The following MCC variants were observed in gnomAD, a reference collection of about 807,000 sequenced individuals.
MCC encodes the protein colorectal mutant cancer protein.
A neutral mutation model predicts 116.2 loss-of-function variants in MCC; 90 were observed. The observed-to-expected ratio is 0.77, with a 90% CI of 0.65 to 0.92. The LOEUF (loss-of-function observed/expected upper bound fraction) is 0.92. MCC is among the 40% of genes least tolerant of loss of function. MCC has a pLI of 0.00. For missense variants in MCC, 1,516 were observed against 1,312.2 expected, an observed-to-expected ratio of 1.16 and a Z score of -2.40; for synonymous variants, 578 against 510.5, an observed-to-expected ratio of 1.13 and a Z score of -1.78.
chr5:113,292,855 G>T (rs193169993), intron 3 of MCC, among the ~76,000 whole-genome samples: 80 of 152,310 alleles, frequency 5.3e-4, no homozygotes, highest in African/African-American at 1.8e-3. Context: ...ATCACCAAAG[G>T]CTTCTCCTGA....
At chr5:113,163,386 C>T (rs972395001) in intron 3 of MCC, among the ~76,000 whole-genome samples, 1 of 152,132 alleles carries the variant, frequency 6.6e-6, no homozygotes, top group South Asian at 2.1e-4. Context: ...ATATAATTAA[C>T]TTAGCAATCA....
intron 1 of MCC, among the ~76,000 whole-genome samples, 193 bp downstream of exon 1, chr5:113,488,052 C>T (rs147256712): frequency 6.6e-6 from 1 of 152,116 alleles, no homozygotes; most frequent in African/African-American, 2.4e-5. Flanking sequence ...CTGGCACCCC[C>T]GCAAGGCGAA....
intron 3 of MCC, among the ~76,000 whole-genome samples, chr5:113,305,577 C>T (rs1006894152): frequency 6.6e-6 from 1 of 152,136 alleles, no homozygotes; most frequent in African/African-American, 2.4e-5. Context: ...GTAGTCCTTT[C>T]GTCCCCACTT....
chr5:113,032,186 G>A (rs531340094), intron 17 of MCC, among the ~76,000 whole-genome samples: 60 of 152,270 alleles, frequency 3.9e-4, no homozygotes, highest in African/African-American at 1.4e-3. Context: ...CGGGGCTGGC[G>A]GATCACCTGA....
At chr5:113,173,392 T>C (rs1284503001) in intron 3 of MCC, among the ~76,000 whole-genome samples, 1 of 152,206 alleles carries the variant, frequency 6.6e-6, no homozygotes, top group African/African-American at 2.4e-5. Flanking sequence ...TAGCTACATC[T>C]TTATGTTACT....
intron 2 of MCC, among the ~76,000 whole-genome samples, chr5:113,366,922 T>C (rs971111937): frequency 6.6e-6 from 1 of 152,080 alleles, no homozygotes; most frequent in African/African-American, 2.4e-5. Flanking sequence ...CCACCCCAGC[T>C]TCCCAAGTAG....
intron 3 of MCC, among the ~76,000 whole-genome samples, chr5:113,308,721 G>C (rs1767059494): frequency 6.6e-6 from 1 of 152,004 alleles, no homozygotes; most frequent in African/African-American, 2.4e-5. Context: ...TGAAGTGGGA[G>C]GATTGCTTGA....
intron 3 of MCC, among the ~76,000 whole-genome samples, chr5:113,228,277 G>C (rs1763818988): frequency 2.6e-5 from 4 of 152,160 alleles, no homozygotes. Context: ...TTTGGGTCCT[G>C]AGGGACCCAT....
At chr5:113,053,663 C>A in intron 15 of MCC, 62 bp downstream of exon 15, 1 of 1,218,310 alleles carries the variant, frequency 8.2e-7, no homozygotes, top group Non-Finnish European at 1.2e-6. Flanking sequence ...GACCTGCTTT[C>A]AGAGGTTGTT....
chr5:113,141,190 C>G (rs1306132291), intron 5 of MCC, among the ~76,000 whole-genome samples: 4 of 152,218 alleles, frequency 2.6e-5, no homozygotes, highest in Non-Finnish European at 1.5e-5. Context: ...CCTTGGACAT[C>G]AGAACTCCTG....
At chr5:113,127,255 T>C (rs1306766738) in intron 5 of MCC, among the ~76,000 whole-genome samples, 1 of 152,252 alleles carries the variant, frequency 6.6e-6, no homozygotes, top group Non-Finnish European at 1.5e-5. Flanking sequence ...CTGTCACTGA[T>C]GGGCATTTAG....
intron 2 of MCC, among the ~76,000 whole-genome samples, chr5:113,377,624 A>G (rs2150391103): frequency 6.6e-6 from 1 of 152,324 alleles, no homozygotes; most frequent in Non-Finnish European, 1.5e-5. Context: ...TCTGAGAAGT[A>G]TGAAGAGAAG....
chr5:113,035,027 T>C (rs1396699683), intron 17 of MCC, among the ~76,000 whole-genome samples: 1 of 151,188 alleles, frequency 6.6e-6, no homozygotes, highest in Non-Finnish European at 1.5e-5. Flanking sequence ...TCCACACTCT[T>C]AATCTTCTGG....
In MCC at chr5:113,080,690, T is replaced by C. The variant is rs190355219; in HGVS notation, c.1784+2170A>G. ...AGCGGGGAGGGATAGCATTAGGAGA[T>C]ATACCTAATGTAAATGATGAGTTGA... On this transcript the variant is annotated intron_variant, in intron 11 of 18. Coordinates refer to ENST00000408903, the MANE Select transcript of MCC (RefSeq NM_001085377.2). Among the ~76,000 whole-genome samples, 1,188 of 151,878 alleles carry C rather than the reference T, an allele frequency of 7.8e-3. 15 individuals carry two copies. The highest frequency in any genetic ancestry group is 0.027 in the African/African-American group (1,117 of 41,422).
At chr5:113,109,134 T>C (rs1030831674) in intron 6 of MCC, among the ~76,000 whole-genome samples, 1 of 152,168 alleles carries the variant, frequency 6.6e-6, no homozygotes, top group African/African-American at 2.4e-5. Context: ...GTCCTAAGTA[T>C]AGGAGTAGAG....
chr5:113,207,148 A>G (rs1762945942), intron 3 of MCC, among the ~76,000 whole-genome samples: 1 of 152,174 alleles, frequency 6.6e-6, no homozygotes. Flanking sequence ...AAGGTTACAC[A>G]TGAATTTGGG....
At chr5:113,029,172 AG>A (rs1295738898) in intron 17 of MCC, 116 bp from the exon 18 acceptor site, 8 of 1,002,976 alleles carry the variant, frequency 8.0e-6, no homozygotes, top group Non-Finnish European at 9.8e-6. Flanking sequence ...CCTAAAGGCA[AG>A]GGAGAGAAAA....
At chr5:113,131,633 G>A (rs1349920007) in intron 5 of MCC, among the ~76,000 whole-genome samples, 2 of 152,126 alleles carry the variant, frequency 1.3e-5, no homozygotes, top group South Asian at 2.1e-4. Context: ...AGGCCACCAA[G>A]AGCTGTCAGA....
intron 3 of MCC, among the ~76,000 whole-genome samples, chr5:113,327,561 A>AAAAAATATATATAT (rs1480996383): frequency 3.5e-4 from 28 of 80,558 alleles, no homozygotes; most frequent in African/African-American, 1.2e-3. Flanking sequence ...AAAAAAAAAA[A>AAAAAATATATATAT]ATATATATAT....
Sources: allele counts gnomAD v4.1 joint callset (sites outside exome capture counted in the v4.1 genomes callset), GRCh38; gene constraint gnomAD v4.1.1; transcripts MANE v1.5; gene names NCBI Gene and HGNC (gene_info 2026-07-23, HGNC 2026-07-21).